GAS7: variants seen among roughly 807,000 people sequenced by gnomAD.
The protein encoded by GAS7 is growth arrest specific 7.
A neutral mutation model predicts 71.1 loss-of-function variants in GAS7; 28 were observed. That is an observed-to-expected ratio of 0.39 (90% CI 0.29 to 0.54). GAS7 has a LOEUF of 0.54. Among genes scored for constraint, GAS7 ranks in the 20% least tolerant of loss-of-function variants. The probability of loss-of-function intolerance (pLI) is 0.62; values close to 1 mark genes in which losing one functional copy is unlikely to be tolerated. For synonymous variants in GAS7, 258 were observed against 245.8 expected, an observed-to-expected ratio of 1.05 and a Z score of -0.46; for missense variants, 436 against 627.8, an observed-to-expected ratio of 0.69 and a Z score of 3.27.
rs377329244 is a variant in GAS7, at chr17:10,085,174, A to C, written c.184-65277T>G. On this transcript the variant is annotated intron_variant, in intron 1 of 13. Transcript: ENST00000432992. Reference sequence around the variant, plus strand: ...TTCCAGTGTCTTTGCAATAAATTCCACTTGGCTTACATCAGCCAGAATCAG... The same window carrying C: ...TTCCAGTGTCTTTGCAATAAATTCCCCTTGGCTTACATCAGCCAGAATCAG... 3.9e-5 allele frequency among the ~76,000 whole-genome samples: 6 copies of C among 152,228 alleles called. No individual in the cohort carries two copies. In the East Asian group the frequency reaches 9.7e-4, roughly 25 times the overall value.
At chr17:9,965,267 A>G (rs2069659419) in intron 4 of GAS7, among the ~76,000 whole-genome samples, 1 of 148,012 alleles carries the variant, frequency 6.8e-6, no homozygotes, top group South Asian at 2.2e-4. Context: ...CTTGGAACCA[A>G]CCCAAATGCC....
chr17:10,046,796 G>T (rs1300002953), intron 1 of GAS7, among the ~76,000 whole-genome samples: 1 of 83,130 alleles, frequency 1.2e-5, no homozygotes, highest in Admixed American at 1.2e-4. Flanking sequence ...AAGGAAGGAA[G>T]GAAGGAAGGA....
At chr17:9,946,849 C>A in intron 6 of GAS7, 45 bp downstream of exon 6, 1 of 1,319,938 alleles carries the variant, frequency 7.6e-7, no homozygotes, top group South Asian at 1.2e-5. Flanking sequence ...TGTCCACTCC[C>A]GGTCACCGGG....
In GAS7 at chr17:9,943,138, T is replaced by G. The variant is rs1402527074; in HGVS notation, c.714A>C (p.Ser238=). 6.2e-7 allele frequency: 1 copy of G among 1,609,220 alleles called. No individual in the cohort carries two copies. Among genetic ancestry groups the G allele is most frequent in the African/African-American group, 1.3e-5 (1 of 74,984 alleles). ...GGCTTCACCTTTCCCGGATGAATTC[T>G]GACATTTCCTTCTGCATTTGTTTGC... The part of the protein sequence containing the change: ...LKGKQMQKEM[S]EFIRERIKIE... Residue 238 remains serine, a synonymous_variant, in exon 7 of 14, where the codon TCA becomes TCC. Coordinates refer to ENST00000432992, the MANE Select transcript of GAS7 (RefSeq NM_201433.2).
At chr17:10,107,269 G>A (rs1399619426) in intron 1 of GAS7, among the ~76,000 whole-genome samples, 4 of 152,234 alleles carry the variant, frequency 2.6e-5, no homozygotes, top group Non-Finnish European at 4.4e-5. Flanking sequence ...ACAAGGTGAA[G>A]TTCTACTTTG....
At chr17:10,152,845 G>A (rs1015913772) in intron 1 of GAS7, among the ~76,000 whole-genome samples, 12 of 151,998 alleles carry the variant, frequency 7.9e-5, no homozygotes, top group Non-Finnish European at 8.8e-5. Context: ...TGGTGAGGAG[G>A]GCCAGACAGG....
In GAS7 at chr17:10,023,524, G is replaced by A. The variant is rs146397314; in HGVS notation, c.184-3627C>T. Among the ~76,000 whole-genome samples, 152 of 152,250 alleles carry A rather than the reference G, an allele frequency of 1.0e-3. 1 individual carries two copies. Among genetic ancestry groups the A allele is most frequent in the Non-Finnish European group, 1.5e-3 (99 of 68,018 alleles). Reference sequence around the variant, plus strand: ...AGAAATTAAAAAAAAAAATGGAGCCGTGATACATGCTACAACATGGATAAA... The same window carrying A: ...AGAAATTAAAAAAAAAAATGGAGCCATGATACATGCTACAACATGGATAAA... On this transcript the variant is annotated intron_variant, in intron 1 of 13. Transcript: ENST00000432992.
intron 1 of GAS7, among the ~76,000 whole-genome samples, chr17:10,041,990 G>A (rs1482151937): frequency 6.6e-6 from 1 of 152,092 alleles, no homozygotes; most frequent in African/African-American, 2.4e-5. Context: ...GGATGAATTG[G>A]GTTGTCTTAA....
intron 1 of GAS7, among the ~76,000 whole-genome samples, chr17:10,093,841 G>A (rs1023078561): frequency 1.3e-5 from 2 of 151,812 alleles, no homozygotes; most frequent in African/African-American, 4.8e-5. Flanking sequence ...CTACTACTAC[G>A]TATTTCAATA....
chr17:10,189,795 C>A (rs2074483835), intron 1 of GAS7, among the ~76,000 whole-genome samples: 1 of 151,978 alleles, frequency 6.6e-6, no homozygotes. Context: ...AAAAATTAGC[C>A]GGCTGTGGTG....
intron 1 of GAS7, among the ~76,000 whole-genome samples, chr17:10,174,610 T>G (rs1202580123): frequency 6.6e-6 from 1 of 151,782 alleles, no homozygotes; most frequent in East Asian, 1.9e-4. Flanking sequence ...GAGAATGGCG[T>G]GAACCCAGGA....
intron 1 of GAS7, among the ~76,000 whole-genome samples, chr17:10,069,107 A>C (rs2073313616): frequency 6.6e-6 from 1 of 152,218 alleles, no homozygotes; most frequent in Non-Finnish European, 1.5e-5. Flanking sequence ...TTTAGAGAAC[A>C]GCCACCCTTA....
intron 1 of GAS7, among the ~76,000 whole-genome samples, chr17:10,147,838 G>A (rs79505633): frequency 0.035 from 5,293 of 152,148 alleles, 322 homozygotes; most frequent in East Asian, 0.27. Flanking sequence ...TTTTTAAAAC[G>A]GTGTGAACAC....
intron 1 of GAS7, among the ~76,000 whole-genome samples, chr17:10,122,293 T>C (rs2073910979): frequency 1.3e-5 from 2 of 152,188 alleles, no homozygotes; most frequent in Non-Finnish European, 2.9e-5. Context: ...CAAACAGAGC[T>C]CTGTCTTTAG....
chr17:10,142,148 G>A (rs7219116), intron 1 of GAS7, among the ~76,000 whole-genome samples: 109,397 of 150,698 alleles, frequency 0.73, 39,891 homozygotes, highest in African/African-American at 0.75. Flanking sequence ...CCCGGGAGGC[G>A]GAGCTTGCAG....
intron 1 of GAS7, among the ~76,000 whole-genome samples, chr17:10,132,361 T>C (rs573627492): frequency 6.6e-6 from 1 of 152,302 alleles, no homozygotes; most frequent in Non-Finnish European, 1.5e-5. Flanking sequence ...ATCTTCAACC[T>C]CACCCCACCA....
chr17:10,172,273 T>C (rs2953454), intron 1 of GAS7, among the ~76,000 whole-genome samples: 118,459 of 152,118 alleles, frequency 0.78, 47,068 homozygotes, highest in African/African-American at 0.94. Flanking sequence ...CCAGTCCTGG[T>C]TGACTTCACC....
chr17:10,043,744 G>A (rs1453891906), intron 1 of GAS7, among the ~76,000 whole-genome samples: 3 of 152,084 alleles, frequency 2.0e-5, no homozygotes, highest in Non-Finnish European at 4.4e-5. Flanking sequence ...GTGAGTGAGA[G>A]CCCATCTCTA....
chr17:10,022,720 T>G (rs923265927), intron 1 of GAS7, among the ~76,000 whole-genome samples: 10 of 152,246 alleles, frequency 6.6e-5, no homozygotes, highest in African/African-American at 2.4e-4. Flanking sequence ...GGTTTTCCAC[T>G]GGAAGGGCTT....
Sources: gnomAD v4.1 joint callset for allele counts (sites outside exome capture counted in the v4.1 genomes callset) on GRCh38, gnomAD v4.1.1 for gene constraint, MANE v1.5 for transcripts, NCBI Gene and HGNC (gene_info 2026-07-23, HGNC 2026-07-21) for gene names.